RASGEF1C: variants seen among roughly 807,000 people sequenced by gnomAD.
RASGEF1C encodes RasGEF domain family member 1C, also known as ras-GEF domain-containing family member 1C.
RASGEF1C carries 27 observed loss-of-function variants against 58.1 expected under a neutral mutation model. The ratio of observed to expected loss-of-function variants is 0.46; its 90% CI spans 0.34 to 0.64. The LOEUF is 0.64. Among genes scored for constraint, RASGEF1C ranks in the 30% least tolerant of loss-of-function variants. The probability of loss-of-function intolerance (pLI) is 0.01; values close to 1 mark genes in which losing one functional copy is unlikely to be tolerated. For missense variants in RASGEF1C, 502 were observed against 605.1 expected, an observed-to-expected ratio of 0.83 and a Z score of 1.79; for synonymous variants, 243 against 246.3, an observed-to-expected ratio of 0.99 and a Z score of 0.13.
At chr5:180,132,830 G>A (rs1423478120) in intron 4 of RASGEF1C, among the ~76,000 whole-genome samples, 3 of 152,286 alleles carry the variant, frequency 2.0e-5, no homozygotes, top group South Asian at 2.1e-4. Flanking sequence ...TTAGCTGGGC[G>A]TGGTGGCGCA....
chr5:180,185,181 A>G (rs559216261), intron 1 of RASGEF1C, among the ~76,000 whole-genome samples: 111 of 152,068 alleles, frequency 7.3e-4, no homozygotes, highest in African/African-American at 2.6e-3. Flanking sequence ...AGTCCCAGCT[A>G]CTTGGGAGGC....
chr5:180,190,355 TGG>T (rs1397874461), intron 1 of RASGEF1C, among the ~76,000 whole-genome samples: 3 of 151,576 alleles, frequency 2.0e-5, no homozygotes, highest in Non-Finnish European at 2.9e-5. Context: ...CCGGGCGTGG[TGG>T]CGGGCGCCTG....
chr5:180,107,568 C>A (rs1037659315), intron 12 of RASGEF1C, among the ~76,000 whole-genome samples: 1 of 151,978 alleles, frequency 6.6e-6, no homozygotes, highest in Non-Finnish European at 1.5e-5. Context: ...AGTGTCATTT[C>A]TCTCTCAGTG....
rs1187829324 is a variant in RASGEF1C, at chr5:180,163,254, C to CTTTTTTTTT, written c.-6-25197_-6-25196insAAAAAAAAA. On this transcript the variant is annotated intron_variant, in intron 1 of 13. Transcript: ENST00000361132. ...CACTTTTTTTTTTTTTTTTTTTTTC[C>CTTTTTTTTT]AGCCTATTGCACTGGCTAGGACTTC... Among the ~76,000 whole-genome samples the CTTTTTTTTT allele has an allele frequency of 1.9e-3, 133 of 71,042 alleles. 31 individuals carry two copies. The highest frequency in any genetic ancestry group is 4.9e-3 in the East Asian group (10 of 2,056). 46.6% of individuals were successfully genotyped at this position (71,042 alleles called of 152,430 possible). A position where few individuals can be genotyped will look rare whatever the true frequency, so the allele number is the denominator to read the frequency against.
intron 4 of RASGEF1C, among the ~76,000 whole-genome samples, chr5:180,131,406 C>G (rs1490107232): frequency 6.6e-6 from 1 of 152,128 alleles, no homozygotes; most frequent in Non-Finnish European, 1.5e-5. Context: ...ATCTGGACAG[C>G]TTTCTCCCTT....
chr5:180,144,411 C>T (rs1275655002), intron 1 of RASGEF1C, among the ~76,000 whole-genome samples: 1 of 152,188 alleles, frequency 6.6e-6, no homozygotes, highest in Non-Finnish European at 1.5e-5. Context: ...GAATTTTACA[C>T]ATTTACACAT....
rs1766829502 is a variant in RASGEF1C, at chr5:180,155,076, T to G, written c.-6-17018A>C. Among the ~76,000 whole-genome samples, 2 of 152,098 alleles carry G rather than the reference T, an allele frequency of 1.3e-5. No homozygotes were observed. The highest frequency in any genetic ancestry group is 1.3e-4 in the Admixed American group (2 of 15,278). ...GGAAGCCTCCAGGAGGCAGGGAGCT[T>G]CTGGGCAGCCCTGATGGACTGAGCT... On this transcript the variant is annotated intron_variant, in intron 1 of 13. Coordinates refer to ENST00000361132, the MANE Select transcript of RASGEF1C (RefSeq NM_175062.4). This position sits in a 1 kb window ranked among gnomAD's most constrained non-coding sequence, Gnocchi z 5.2.
At chr5:180,105,740 C>T (rs184214885) in intron 12 of RASGEF1C, among the ~76,000 whole-genome samples, 8 of 152,076 alleles carry the variant, frequency 5.3e-5, no homozygotes, top group African/African-American at 9.6e-5. Flanking sequence ...TGGTGGCTCA[C>T]GCCTGTAATC....
rs546434822 is a variant in RASGEF1C, at chr5:180,115,170, A to G, written c.1084-629T>C. The G allele has an allele frequency of 1.6e-3, 509 of 325,336 alleles. 3 individuals are homozygous for G. Among genetic ancestry groups the G allele is most frequent in the South Asian group, 4.5e-3 (182 of 40,498 alleles). The allele number at this position is 325,336 out of a possible 1,614,324, so 20.2% of individuals were successfully genotyped here. On this transcript the variant is annotated intron_variant, in intron 10 of 13. Transcript: ENST00000361132. ...GCTGGGATTACAGGCACCTGCTGCC[A>G]CGCCCGGCTAGTTTTTGTATTTTTA...
chr5:180,126,390 G>A (rs778556947), intron 6 of RASGEF1C, among the ~76,000 whole-genome samples: 3 of 152,084 alleles, frequency 2.0e-5, no homozygotes, highest in Admixed American at 6.6e-5. Flanking sequence ...CTGGGCGACA[G>A]AGTGAGATCC....
At chr5:180,111,391 G>A (rs1348550113) in intron 12 of RASGEF1C, 66 bp downstream of exon 12, 1 of 1,608,534 alleles carries the variant, frequency 6.2e-7, no homozygotes, top group Non-Finnish European at 8.5e-7. Context: ...GGTCCTGAAT[G>A]GTGACTGAGA....
At chr5:180,160,904 T>TA (rs1766930589) in intron 1 of RASGEF1C, among the ~76,000 whole-genome samples, 1 of 152,208 alleles carries the variant, frequency 6.6e-6, no homozygotes, top group Non-Finnish European at 1.5e-5. Flanking sequence ...GTGTTTACAG[T>TA]ATAACACAAT....
Position 180,177,535 on chromosome 5 carries a change from C to A in RASGEF1C, c.-7+31493G>T, listed in dbSNP as rs544477130. On this transcript the variant is annotated intron_variant, in intron 1 of 13. Transcript: ENST00000361132. The surrounding 1 kb of genome is among the most constrained non-coding windows in gnomAD (Gnocchi z 5.0). ...CAGCTGTCCAAGGCCATGGCCTCTG[C>A]GGCTTCTGCCTGGCCAGCATCTGTT... Among the ~76,000 whole-genome samples the A allele has an allele frequency of 6.6e-6, 1 of 152,244 alleles. No individual in the cohort carries two copies. Among genetic ancestry groups the A allele is most frequent in the African/African-American group, 2.4e-5 (1 of 41,474 alleles).
At chr5:180,191,194 A>G (rs1396643183) in intron 1 of RASGEF1C, among the ~76,000 whole-genome samples, 1 of 152,218 alleles carries the variant, frequency 6.6e-6, no homozygotes, top group East Asian at 1.9e-4. Flanking sequence ...GCTAGAGAAA[A>G]TGTACTGGTT....
chr5:180,204,616 C>CTCTATCTA (rs56101660), intron 1 of RASGEF1C, among the ~76,000 whole-genome samples: 8,623 of 149,172 alleles, frequency 0.058, 316 homozygotes, highest in African/African-American at 0.091. Flanking sequence ...ATGGATATTC[C>CTCTATCTA]TCTATCTATC....
chr5:180,139,242 C>T (rs1393209814), intron 1 of RASGEF1C, among the ~76,000 whole-genome samples: 2 of 152,202 alleles, frequency 1.3e-5, no homozygotes, highest in African/African-American at 2.4e-5. Flanking sequence ...CACAGTGACG[C>T]ATCCTGGCTA....
In RASGEF1C at chr5:180,174,413, C is replaced by T. The variant is rs995420679; in HGVS notation, c.-7+34615G>A. ...ATGCATGTGTGTGCGTCTGTGTGTGCGTGCGTGCATGTGCACACGTGTGTG... is the reference window on the plus strand; with the variant it reads ...ATGCATGTGTGTGCGTCTGTGTGTGTGTGCGTGCATGTGCACACGTGTGTG... On this transcript the variant is annotated intron_variant, in intron 1 of 13. Coordinates refer to ENST00000361132, the MANE Select transcript of RASGEF1C (RefSeq NM_175062.4). 6.1e-5 allele frequency among the ~76,000 whole-genome samples: 9 copies of T among 147,280 alleles called. No homozygotes were observed. The East Asian group carries it at 6.1e-4, about 10-fold the overall frequency.
intron 12 of RASGEF1C, among the ~76,000 whole-genome samples, chr5:180,109,267 T>C (rs1582259346): frequency 2.0e-5 from 3 of 151,914 alleles, no homozygotes; most frequent in Non-Finnish European, 2.9e-5. Context: ...CCATCCTGGC[T>C]AACATGGTGA....
intron 4 of RASGEF1C, among the ~76,000 whole-genome samples, chr5:180,134,385 C>T (rs937606983): frequency 2.0e-5 from 3 of 152,026 alleles, no homozygotes; most frequent in African/African-American, 7.3e-5. Flanking sequence ...CAGGCCAGGG[C>T]TTACCCCAGC....
Sources: allele counts gnomAD v4.1 joint callset (sites outside exome capture counted in the v4.1 genomes callset), GRCh38; gene constraint gnomAD v4.1.1; non-coding constraint Gnocchi (gnomAD v3.1); transcripts MANE v1.5; gene names NCBI Gene and HGNC (gene_info 2026-07-23, HGNC 2026-07-21).